MMP16: variants seen among roughly 807,000 people sequenced by gnomAD.
The protein encoded by MMP16 is matrix metallopeptidase 16, also known as matrix metalloproteinase-16.
MMP16 carries 12 observed loss-of-function variants against 67.8 expected under a neutral mutation model. The observed-to-expected ratio is 0.18, with a 90% CI of 0.11 to 0.29. The LOEUF (loss-of-function observed/expected upper bound fraction) is 0.29. Among genes scored for constraint, MMP16 ranks in the 10% least tolerant of loss-of-function variants. MMP16 has a pLI of 1.00. For synonymous variants in MMP16, 249 were observed against 255.9 expected, an observed-to-expected ratio of 0.97 and a Z score of 0.26; for missense variants, 475 against 765.7, an observed-to-expected ratio of 0.62 and a Z score of 4.48.
intron 4 of MMP16, among the ~76,000 whole-genome samples, chr8:88,119,772 C>T (rs1273847625): frequency 1.3e-5 from 2 of 151,988 alleles, no homozygotes; most frequent in Admixed American, 1.3e-4. Context: ...TATCAAATAG[C>T]TGGGGCTGTT....
At chr8:88,243,339 G>T (rs1161302091) in intron 1 of MMP16, among the ~76,000 whole-genome samples, 1 of 152,122 alleles carries the variant, frequency 6.6e-6, no homozygotes, top group African/African-American at 2.4e-5. Context: ...TTGCCCACAG[G>T]AGTGAGCCAC....
chr8:88,091,670 T>G (rs1423808961), intron 6 of MMP16, among the ~76,000 whole-genome samples: 1 of 151,888 alleles, frequency 6.6e-6, no homozygotes, highest in Non-Finnish European at 1.5e-5. Flanking sequence ...AGGTATAACT[T>G]AAATTTTTAA....
At chr8:88,215,588 C>T (rs907775474) in intron 1 of MMP16, among the ~76,000 whole-genome samples, 11 of 152,022 alleles carry the variant, frequency 7.2e-5, no homozygotes, top group Non-Finnish European at 1.0e-4. Context: ...CCGTTCTCTA[C>T]GGTGCCACAT....
chr8:88,245,874 G>A (rs1810106286), intron 1 of MMP16, among the ~76,000 whole-genome samples: 1 of 152,118 alleles, frequency 6.6e-6, no homozygotes, highest in Non-Finnish European at 1.5e-5. Flanking sequence ...TCATTATAAA[G>A]CTATCTTTAT....
At chr8:88,088,725 C>T (rs1395593618) in intron 6 of MMP16, among the ~76,000 whole-genome samples, 1 of 152,044 alleles carries the variant, frequency 6.6e-6, no homozygotes. Context: ...CAAAAGGTAA[C>T]TGCCCTTCTT....
At chr8:88,179,129 T>TA (rs747393677) in intron 3 of MMP16, among the ~76,000 whole-genome samples, 22 of 151,090 alleles carry the variant, frequency 1.5e-4, no homozygotes, top group Admixed American at 4.6e-4. Context: ...AGTATAAATA[T>TA]AAAAAAAACT....
intron 9 of MMP16, among the ~76,000 whole-genome samples, chr8:88,043,832 G>A (rs1182390070): frequency 1.3e-5 from 2 of 152,174 alleles, no homozygotes; most frequent in Non-Finnish European, 2.9e-5. Context: ...TACTCAACAA[G>A]CTTGGATGAA....
At chr8:88,102,617 T>C (rs1035712522) in intron 6 of MMP16, among the ~76,000 whole-genome samples, 3 of 151,580 alleles carry the variant, frequency 2.0e-5, no homozygotes, top group African/African-American at 7.3e-5. Context: ...GGTTAAGGAG[T>C]GGGGTTGAAA....
Position 88,157,695 on chromosome 8 carries a change from A to C in MMP16, c.709+9974T>G, listed in dbSNP as rs763280391. ...TTATTTTATCTTTTTATTATACTTT[A>C]AGTTCTAGGGTACATGTGCACAATG... is the stretch of plus-strand genomic sequence containing the variant. On this transcript the variant is annotated intron_variant, in intron 4 of 9. Transcript: ENST00000286614. Among the ~76,000 whole-genome samples the C allele has an allele frequency of 5.9e-5, 9 of 152,000 alleles. No individual in the cohort carries two copies. In the East Asian group the frequency reaches 9.7e-4, roughly 16 times the overall value.
intron 6 of MMP16, among the ~76,000 whole-genome samples, chr8:88,113,469 A>T (rs1242896195): frequency 6.6e-6 from 1 of 151,882 alleles, no homozygotes; most frequent in African/African-American, 2.4e-5. Context: ...TAAGAGTGAG[A>T]TCAAACAATG....
intron 4 of MMP16, among the ~76,000 whole-genome samples, chr8:88,163,324 G>T (rs1286403196): frequency 6.6e-6 from 1 of 152,066 alleles, no homozygotes; most frequent in Admixed American, 6.6e-5. Context: ...AGTGAATGAT[G>T]AATTTAATTT....
chr8:88,101,744 C>G (rs542388994), intron 6 of MMP16, among the ~76,000 whole-genome samples: 1 of 151,942 alleles, frequency 6.6e-6, no homozygotes, highest in African/African-American at 2.4e-5. Context: ...TATGATGTAC[C>G]ATTCTTTTGA....
At chr8:88,225,981 C>T (rs1265339978) in intron 1 of MMP16, among the ~76,000 whole-genome samples, 2 of 151,768 alleles carry the variant, frequency 1.3e-5, no homozygotes, top group Non-Finnish European at 2.9e-5. Flanking sequence ...TGGTATGTCC[C>T]CCATTTTTAT....
chr8:88,326,507 T>C (rs1811539854), intron 1 of MMP16, among the ~76,000 whole-genome samples: 1 of 152,036 alleles, frequency 6.6e-6, no homozygotes, highest in Admixed American at 6.5e-5. Flanking sequence ...ATGTCCTCTG[T>C]GTAGCCAGAT....
At chr8:88,075,298 T>G (rs1402006260) in intron 6 of MMP16, among the ~76,000 whole-genome samples, 1 of 152,110 alleles carries the variant, frequency 6.6e-6, no homozygotes, top group Admixed American at 6.6e-5. Flanking sequence ...TTGAAAAAAA[T>G]AAATCATCGC....
chr8:88,159,680 T>C (rs950597697), intron 4 of MMP16, among the ~76,000 whole-genome samples: 2 of 151,902 alleles, frequency 1.3e-5, no homozygotes, highest in African/African-American at 2.4e-5. Context: ...TGAATAGGAG[T>C]GGTGAGAGAG....
At position 88,327,089 on chromosome 8, in the gene MMP16, A is replaced by C; in HGVS notation, c.118T>G (p.Tyr40Asp). Residue 40 changes from tyrosine to aspartate, a missense_variant, in exon 1 of 10, where the codon TAT (tyrosine) becomes GAT (aspartate). Physicochemically the swap from Tyr to Asp is radical, Grantham distance 160 (BLOSUM62 -3). Transcript: ENST00000286614. ...CGCACTCTTACCTCCACATTGAAAT[A>C]CTGCTCCGTTCCGCAGACTGTAGCA... is the stretch of plus-strand genomic sequence containing the variant. ...LCATVCGTEQ[Y>D]FNVEVWLQKY... 1 of 1,613,928 alleles carries C rather than the reference A, an allele frequency of 6.2e-7. No individual in the cohort carries two copies. Among genetic ancestry groups the C allele is most frequent in the Non-Finnish European group, 8.5e-7 (1 of 1,179,950 alleles).
intron 8 of MMP16, among the ~76,000 whole-genome samples, chr8:88,054,152 A>C (rs1282653192): frequency 6.6e-6 from 1 of 152,206 alleles, no homozygotes; most frequent in African/African-American, 2.4e-5. Context: ...GAGCTATCTG[A>C]TAATGAAATG....
chr8:88,044,758 T>G (rs1808177294), intron 9 of MMP16, among the ~76,000 whole-genome samples: 1 of 152,234 alleles, frequency 6.6e-6, no homozygotes, highest in African/African-American at 2.4e-5. Flanking sequence ...AGATGTTCCC[T>G]GAGAGCAGTG....
Sources: gnomAD v4.1 joint callset for allele counts (sites outside exome capture counted in the v4.1 genomes callset) on GRCh38, gnomAD v4.1.1 for gene constraint, MANE v1.5 for transcripts, NCBI Gene and HGNC (gene_info 2026-07-23, HGNC 2026-07-21) for gene names.